Variants in SCML1 observed in about 807,000 individuals in gnomAD.
SCML1 encodes the protein sex comb on midleg-like protein 1.
For missense variants in SCML1, 137 were observed against 258.1 expected, an observed-to-expected ratio of 0.53 and a Z score of 3.22; for synonymous variants, 104 against 103.6, an observed-to-expected ratio of 1.00 and a Z score of -0.02.
intron 1 of SCML1, among the ~76,000 whole-genome samples, chrX:17,738,264 G>C (rs1160346690): frequency 8.9e-6 from 1 of 112,233 alleles, no homozygotes; most frequent in Non-Finnish European, 1.9e-5. Context: ...GGAGGCCGTC[G>C]AGGCGTGCGA....
At chrX:17,748,132 C>T (rs2066660615) in intron 4 of SCML1, among the ~76,000 whole-genome samples, 1 of 111,657 alleles carries the variant, frequency 9.0e-6, no homozygotes, top group African/African-American at 3.3e-5. Context: ...GTTGATGCTA[C>T]CAGTCCGTGG....
intron 1 of SCML1, among the ~76,000 whole-genome samples, chrX:17,740,059 G>A (rs1254522592): frequency 9.0e-6 from 1 of 111,211 alleles, no homozygotes; most frequent in Non-Finnish European, 1.9e-5. Flanking sequence ...TTTATGGTGT[G>A]TCTACTATGA....
chrX:17,738,782 C>T (rs909754409), intron 1 of SCML1, among the ~76,000 whole-genome samples: 1 of 112,009 alleles, frequency 8.9e-6, no homozygotes, highest in South Asian at 3.7e-4. Context: ...GCCTCTTGTT[C>T]TTATGTTATC....
intron 7 of SCML1, among the ~76,000 whole-genome samples, chrX:17,752,694 T>G (rs1172331444): frequency 8.9e-6 from 1 of 112,434 alleles, no homozygotes; most frequent in Non-Finnish European, 1.9e-5. Flanking sequence ...TTTTATTTAT[T>G]CAGATATTTT....
In SCML1 at chrX:17,753,616, C is replaced by A; in HGVS notation, c.*224C>A. 2 of 189,853 alleles carry A rather than the reference C, an allele frequency of 1.1e-5. No individual in the cohort carries two copies. Among genetic ancestry groups the A allele is most frequent in the Non-Finnish European group, 1.9e-5 (2 of 104,367 alleles). The allele number at this position is 189,853 out of a possible 1,213,427, so 15.6% of individuals were successfully genotyped here. ...AGAATAGTCCAATAGAAAATTCATT[C>A]TTTATAGGTCTTTAAAAATTACTTT... is the stretch of plus-strand genomic sequence containing the variant. On this transcript the variant is annotated 3_prime_UTR_variant, in exon 8 of 8. Transcript: ENST00000380041.
At chrX:17,737,219 C>G (rs1369802357), upstream of SCML1, among the ~76,000 whole-genome samples, 2 of 109,527 alleles carry the variant, frequency 1.8e-5, no homozygotes, top group Admixed American at 9.5e-5. Flanking sequence ...CCCCGCCCCA[C>G]AGCCATCTCC....
chrX:17,740,673 A>G (rs185096321), intron 1 of SCML1, among the ~76,000 whole-genome samples: 1 of 112,207 alleles, frequency 8.9e-6, no homozygotes, highest in Admixed American at 9.4e-5. Flanking sequence ...TAGAAGTATT[A>G]AAGTGTGAGT....
intron 4 of SCML1, 74 bp downstream of exon 4, chrX:17,746,172 G>T: frequency 1.8e-6 from 1 of 550,851 alleles, no homozygotes; most frequent in Non-Finnish European, 2.9e-6. Flanking sequence ...CACATAAAGG[G>T]AAAGTGTACA....
At chrX:17,740,071 C>T (rs1052198972) in intron 1 of SCML1, among the ~76,000 whole-genome samples, 6 of 111,147 alleles carry the variant, frequency 5.4e-5, no homozygotes, top group Non-Finnish European at 1.1e-4. Context: ...CTACTATGAA[C>T]CAGGCATGAT....
In SCML1 at chrX:17,753,479, C is replaced by A; in HGVS notation, c.*87C>A. On this transcript the variant is annotated 3_prime_UTR_variant, in exon 8 of 8. Coordinates refer to ENST00000380041, the MANE Select transcript of SCML1 (RefSeq NM_001037540.3). ...TGGAATCATTTTTCTGCCCTTTAGT[C>A]GTTTTTGTTTTGTAGAAAGTATCTC... 1.3e-6 allele frequency: 1 copy of A among 755,087 alleles called. No individual in the cohort carries two copies. The highest frequency in any genetic ancestry group is 4.2e-5 in the South Asian group (1 of 23,601). The allele number at this position is 755,087 out of a possible 1,213,427, so 62.2% of individuals were successfully genotyped here.
At position 17,744,232 on chromosome X, in the gene SCML1, A is replaced by G; in HGVS notation, c.33+13A>G. 1 of 1,188,605 alleles carries G rather than the reference A, an allele frequency of 8.4e-7. No homozygotes were observed. On this transcript the variant is annotated intron_variant, in intron 2 of 7. Coordinates refer to ENST00000380041, the MANE Select transcript of SCML1 (RefSeq NM_001037540.3). ...TGAAATCGATGTGGTTTGTATTCAAATTGAAAATCTGTCTTTGTTCTTTTT... is the reference window on the plus strand; with the variant it reads ...TGAAATCGATGTGGTTTGTATTCAAGTTGAAAATCTGTCTTTGTTCTTTTT...
intron 7 of SCML1, 42 bp from the exon 8 acceptor site, chrX:17,753,216 T>C (rs1250366264): frequency 2.8e-6 from 3 of 1,074,596 alleles, no homozygotes; most frequent in Non-Finnish European, 2.5e-6. Flanking sequence ...GATGAAAATA[T>C]GGAAGCATTA....
In SCML1 at chrX:17,750,080, T is replaced by C. The variant is rs150706451; in HGVS notation, c.490T>C (p.Tyr164His). Residue 164 changes from tyrosine (Y) to histidine (H), a missense_variant, in exon 6 of 8, where the codon TAC (tyrosine) becomes CAC (histidine). Physicochemically the swap from Tyr to His is moderately conservative, Grantham distance 83. Coordinates refer to ENST00000380041, the MANE Select transcript of SCML1 (RefSeq NM_001037540.3). Reference protein sequence around the residue: ...LPRPSFCMEEYQRAELEEDPI... With the variant: ...LPRPSFCMEEHQRAELEEDPI... The stretch of plus-strand genomic sequence containing the variant: ...AAGGCCATCCTTTTGCATGGAAGAA[T>C]ACCAGCGAGCTGAGCTGGAGGAGGA... 34 of 1,211,664 alleles carry C rather than the reference T, an allele frequency of 2.8e-5. No homozygotes were observed. Among genetic ancestry groups the C allele is most frequent in the Non-Finnish European group, 3.0e-5 (27 of 895,292 alleles).
rs1569330609 is a variant in SCML1, at chrX:17,750,200, G to A, written c.610G>A (p.Gly204Ser). 2.5e-6 allele frequency: 3 copies of A among 1,211,853 alleles called. No individual in the cohort carries two copies. The highest frequency in any genetic ancestry group is 3.4e-6 in the Non-Finnish European group (3 of 895,407). The stretch of plus-strand genomic sequence containing the variant: ...TTATGCATCTGATGGTGCAACGTAT[G>A]GTTCTTCTTCAGGGCTCTGCCTTGG... ...PYYASDGATY[G>S]SSSGLCLGNP... Residue 204 changes from glycine (G) to serine (S), a missense_variant, in exon 6 of 8, where the codon GGT becomes AGT. Transcript: ENST00000380041.
chrX:17,747,995 A>G (rs2066658812), intron 4 of SCML1, among the ~76,000 whole-genome samples: 1 of 111,113 alleles, frequency 9.0e-6, no homozygotes, highest in Admixed American at 9.6e-5. Context: ...GGTTCTCACT[A>G]GGGCCATCAG....
At chrX:17,748,595 GTGAATGAATGAA>G (rs753200537) in intron 4 of SCML1, among the ~76,000 whole-genome samples, 1 of 111,694 alleles carries the variant, frequency 9.0e-6, no homozygotes. Flanking sequence ...AGTTGAATGA[GTGAATGAATGAA>G]TGAATGAATG....
intron 2 of SCML1, chrX:17,744,883 C>G (rs1048870503): frequency 3.6e-5 from 4 of 111,887 alleles, no homozygotes; most frequent in African/African-American, 1.3e-4. Flanking sequence ...TATTTTGAAA[C>G]AAAAACATAC....
chrX:17,750,523 T>C (rs1211974080), intron 6 of SCML1, among the ~76,000 whole-genome samples: 4 of 112,654 alleles, frequency 3.6e-5, no homozygotes. Flanking sequence ...TTTTAGGTGA[T>C]ATTCAGAATG....
At chrX:17,752,601 CAT>C (rs1471382303) in intron 7 of SCML1, among the ~76,000 whole-genome samples, 1 of 112,149 alleles carries the variant, frequency 8.9e-6, no homozygotes, top group African/African-American at 3.2e-5. Context: ...TTAACTGGAA[CAT>C]ATAAAACCAA....
Sources: gnomAD v4.1 joint callset for allele counts (sites outside exome capture counted in the v4.1 genomes callset) on GRCh38, gnomAD v4.1.1 for gene constraint, MANE v1.5 for transcripts, NCBI Gene and HGNC (gene_info 2026-07-23, HGNC 2026-07-21) for gene names.